Variants in CWC22 observed in about 807,000 individuals in gnomAD.
CWC22 encodes CWC22 spliceosome associated protein.
In CWC22, 53 loss-of-function variants were observed where a neutral mutation model predicts 117.2. That is an observed-to-expected ratio of 0.45 (90% CI 0.36 to 0.57). CWC22 has a LOEUF of 0.57. Ranked by LOEUF, CWC22 falls within the 20% of genes least tolerant of loss-of-function variation. The pLI is 0.00. For synonymous variants in CWC22, 360 were observed against 355.6 expected (o/e 1.01, Z -0.14); for missense variants, 980 against 1,068.8 (o/e 0.92, Z 1.16).
At position 179,978,333 on chromosome 2, in the gene CWC22, T is replaced by C. The variant is rs752305638; in HGVS notation, c.453-15A>G. The C allele has an allele frequency of 1.4e-6, 2 of 1,446,520 alleles. No homozygotes were observed. Among genetic ancestry groups the C allele is most frequent in the South Asian group, 1.6e-5 (1 of 63,252 alleles). 89.6% of individuals were successfully genotyped at this position (1,446,520 alleles called of 1,614,324 possible). ...GGTATGCTAAGCTAAAAAGAAGTGATTTTAATAAAGATTAAAACTTAATTA... is the reference window on the plus strand; with the variant it reads ...GGTATGCTAAGCTAAAAAGAAGTGACTTTAATAAAGATTAAAACTTAATTA... On this transcript the variant is annotated splice_polypyrimidine_tract_variant and intron_variant, in intron 5 of 19. Coordinates refer to ENST00000410053, the MANE Select transcript of CWC22 (RefSeq NM_020943.3).
intron 1 of CWC22, among the ~76,000 whole-genome samples, chr2:179,998,175 C>T (rs1223152036): frequency 6.6e-6 from 1 of 152,178 alleles, no homozygotes; most frequent in Admixed American, 6.5e-5. Context: ...AATTTGTTCT[C>T]AAACCATGAG....
In CWC22 at chr2:179,970,533, T is replaced by A; in HGVS notation, c.1178A>T (p.Glu393Val). 1 of 1,544,028 alleles carries A rather than the reference T, an allele frequency of 6.5e-7. No individual in the cohort carries two copies. Residue 393 changes from glutamate to valine, a missense_variant, in exon 11 of 20, where the codon GAG becomes GTG. Transcript: ENST00000410053. The part of the protein sequence containing the change: ...NVFKMDPNFM[E>V]NEEKYKAIKK... ...AATAGCTTTGTACTTCTCTTCATTCTCCATAAAATTAGGATCCATCTTGAA... is the reference window on the plus strand; with the variant it reads ...AATAGCTTTGTACTTCTCTTCATTCACCATAAAATTAGGATCCATCTTGAA...
intron 14 of CWC22, among the ~76,000 whole-genome samples, chr2:179,956,948 T>C (rs957983598): frequency 6.6e-6 from 1 of 152,152 alleles, no homozygotes; most frequent in Non-Finnish European, 1.5e-5. Flanking sequence ...CTCTAGCTTA[T>C]AAGAATTAAA....
chr2:179,949,217 C>T (rs563950966), intron 19 of CWC22, among the ~76,000 whole-genome samples: 98 of 152,214 alleles, frequency 6.4e-4, no homozygotes, highest in African/African-American at 2.2e-3. Context: ...ACAGAGACAC[C>T]AGAGGTCTGG....
chr2:179,968,862 G>A (rs1210787120), intron 11 of CWC22, among the ~76,000 whole-genome samples: 8 of 151,994 alleles, frequency 5.3e-5, no homozygotes, highest in African/African-American at 7.2e-5. Context: ...CACCATGCCC[G>A]GCCCGTAAAA....
intron 4 of CWC22, among the ~76,000 whole-genome samples, chr2:179,982,700 C>T (rs1190526791): frequency 1.3e-5 from 2 of 152,206 alleles, no homozygotes; most frequent in East Asian, 1.9e-4. Flanking sequence ...GTCTTCCCTA[C>T]TAACGTACCT....
intron 7 of CWC22, 77 bp downstream of exon 7, chr2:179,973,557 C>G: frequency 1.1e-6 from 1 of 932,244 alleles, no homozygotes; most frequent in East Asian, 2.7e-5. Flanking sequence ...TCAAAATCAA[C>G]CTTGCTTACT....
At chr2:180,003,465 G>A (rs1687893878) in intron 1 of CWC22, among the ~76,000 whole-genome samples, 1 of 152,078 alleles carries the variant, frequency 6.6e-6, no homozygotes, top group African/African-American at 2.4e-5. Context: ...AACACATTCT[G>A]CCAATTTTCA....
Position 179,973,694 on chromosome 2 carries a change from T to C in CWC22, c.690A>G (p.Gly230=). ...GAATTAACCTTTTGAGGATTAATTC[T>C]CCAATTTGTGGAAATTTTGAGTTGA... ...AIINSKFPQI[G]ELILKRLILN... The change falls in exon 7 of 20, where the codon GGA becomes GGG. Residue 230 remains glycine (G), a synonymous_variant. Coordinates refer to ENST00000410053, the MANE Select transcript of CWC22 (RefSeq NM_020943.3). 1 of 1,611,352 alleles carries C rather than the reference T, an allele frequency of 6.2e-7. No individual in the cohort carries two copies.
rs1461670084 is a variant in CWC22 at position 179,945,268 on chromosome 2, C to G, written c.2588G>C (p.Gly863Ala). ...KSKEMNRKHS[G>A]SRSDEDRYQN... Reference sequence around the variant, plus strand: ...ATATCTATCTTCATCACTTCTTGAGCCTGAGTGCTTTCTATTCATTTCCTT... The same window carrying G: ...ATATCTATCTTCATCACTTCTTGAGGCTGAGTGCTTTCTATTCATTTCCTT... The change falls in exon 20 of 20, where the codon GGC becomes GCC. Residue 863 changes from glycine to alanine, a missense_variant. Coordinates refer to ENST00000410053, the MANE Select transcript of CWC22 (RefSeq NM_020943.3). 4 of 1,613,616 alleles carry G rather than the reference C, an allele frequency of 2.5e-6. No homozygotes were observed. Among genetic ancestry groups the G allele is most frequent in the Non-Finnish European group, 1.7e-6 (2 of 1,179,818 alleles).
chr2:179,989,160 C>T (rs1687496780), intron 2 of CWC22, among the ~76,000 whole-genome samples: 1 of 151,476 alleles, frequency 6.6e-6, no homozygotes. Context: ...TTCTTTCTAG[C>T]CAAAAAAATT....
Position 179,944,989 on chromosome 2 carries a change from T to C in CWC22, c.*140A>G, listed in dbSNP as rs1029224257. The C allele has an allele frequency of 3.3e-6, 2 of 603,456 alleles. No individual in the cohort carries two copies. Among genetic ancestry groups the C allele is most frequent in the Non-Finnish European group, 5.4e-6 (2 of 369,020 alleles). 37.4% of individuals were successfully genotyped at this position (603,456 alleles called of 1,614,324 possible). On this transcript the variant is annotated 3_prime_UTR_variant, in exon 20 of 20. Transcript: ENST00000410053. ...CTTGAGATGTATCAATTATAAAACA[T>C]GTTAAAATGAAAACATTTTTTAAAT...
chr2:179,969,017 C>T (rs184066537), intron 11 of CWC22, among the ~76,000 whole-genome samples: 30 of 152,144 alleles, frequency 2.0e-4, no homozygotes, highest in African/African-American at 7.0e-4. Flanking sequence ...TAAAAAGAAG[C>T]TCTTTGGAGT....
chr2:179,989,000 A>G (rs1198473769), intron 2 of CWC22, among the ~76,000 whole-genome samples: 1 of 151,574 alleles, frequency 6.6e-6, no homozygotes, highest in Non-Finnish European at 1.5e-5. Context: ...GTGATTTCTG[A>G]GACTGTGCTG....
intron 13 of CWC22, among the ~76,000 whole-genome samples, chr2:179,960,767 A>G (rs562881415): frequency 6.6e-6 from 1 of 152,178 alleles, no homozygotes; most frequent in South Asian, 2.1e-4. Flanking sequence ...AGAAAAGGCT[A>G]TAATTAATAC....
intron 4 of CWC22, 96 bp downstream of exon 4, chr2:179,986,599 G>A (rs1687424641): frequency 1.5e-6 from 1 of 646,132 alleles, no homozygotes; most frequent in African/African-American, 1.9e-5. Context: ...TCCAATTAAT[G>A]TTAGCTAGTA....
At chr2:179,998,224 C>G (rs925540201) in intron 1 of CWC22, among the ~76,000 whole-genome samples, 5 of 152,094 alleles carry the variant, frequency 3.3e-5, no homozygotes, top group Admixed American at 6.5e-5. Context: ...AGCCTACCTA[C>G]TTTATAGTGA....
At chr2:179,954,409 G>T in intron 15 of CWC22, 52 bp from the exon 16 acceptor site, 1 of 1,141,112 alleles carries the variant, frequency 8.8e-7, no homozygotes, top group Non-Finnish European at 1.2e-6. Flanking sequence ...ATACAATTAT[G>T]AGCATATTAA....
At chr2:179,972,402 A>G (rs1021952799) in intron 8 of CWC22, among the ~76,000 whole-genome samples, 1 of 152,228 alleles carries the variant, frequency 6.6e-6, no homozygotes, top group Non-Finnish European at 1.5e-5. Context: ...TAACAGCATG[A>G]TAAAATTACC....
Sources: allele counts gnomAD v4.1 joint callset (sites outside exome capture counted in the v4.1 genomes callset), GRCh38; gene constraint gnomAD v4.1.1; transcripts MANE v1.5; gene names NCBI Gene and HGNC (gene_info 2026-07-23, HGNC 2026-07-21).